SLC6A5: variants seen among roughly 807,000 people sequenced by gnomAD.
SLC6A5 encodes the protein solute carrier family 6 member 5.
A neutral mutation model predicts 90.5 loss-of-function variants in SLC6A5; 58 were observed. The observed-to-expected ratio is 0.64, with a 90% CI of 0.52 to 0.80. The LOEUF is 0.80. Among genes scored for constraint, SLC6A5 ranks in the 30% least tolerant of loss-of-function variants. The pLI, the probability that SLC6A5 is intolerant of heterozygous loss-of-function variation, is 0.00. For missense variants in SLC6A5, 1,015 were observed against 1,017.6 expected (o/e 1.00, Z 0.03); for synonymous variants, 427 against 401.4 (o/e 1.06, Z -0.76).
rs1853620221 is a variant in SLC6A5, at chr11:20,655,141, A to G, written c.*273A>G. ...GACCACACGTTTTACCCTGCAGAGG[A>G]GGATCAGTTAGGTGAGCACTGGTAG... is the stretch of plus-strand genomic sequence containing the variant. On this transcript the variant is annotated 3_prime_UTR_variant, in exon 16 of 16. Coordinates refer to ENST00000525748, the MANE Select transcript of SLC6A5 (RefSeq NM_004211.5). 6.6e-6 allele frequency: 3 copies of G among 452,384 alleles called. No homozygotes were observed. The highest frequency in any genetic ancestry group is 2.0e-5 in the African/African-American group (1 of 50,138). The allele number at this position is 452,384 out of a possible 1,614,324, so 28.0% of individuals were successfully genotyped here.
rs1027506984 is a variant in SLC6A5, at chr11:20,617,336, T to A, written c.1128-416T>A. The stretch of plus-strand genomic sequence containing the variant: ...TATGTACTAATTTTTAAAATTAAAA[T>A]CACACAAATACTACCAGAATAAATT... On this transcript the variant is annotated intron_variant, in intron 6 of 15. Transcript: ENST00000525748. 1.3e-4 allele frequency among the ~76,000 whole-genome samples: 20 copies of A among 152,342 alleles called. No homozygotes were observed. In the East Asian group the frequency reaches 3.9e-3, roughly 29 times the overall value.
Position 20,604,291 on chromosome 11 carries a change from C to T in SLC6A5, c.546C>T (p.Asp182=), listed in dbSNP as rs138199033. The T allele has an allele frequency of 9.9e-6, 16 of 1,608,966 alleles. No homozygotes were observed. Among genetic ancestry groups the T allele is most frequent in the Admixed American group, 3.3e-5 (2 of 59,770 alleles). ...ATGTGCTTTTCCGCCCCCAGGAGGA[C>T]GAGCAAGGGGATGAGAATAAGGCCC... ...GSVATVATQE[D]EQGDENKARG... Residue 182 remains aspartate, a synonymous_variant, in exon 3 of 16, where the codon GAC becomes GAT. Transcript: ENST00000525748.
intron 3 of SLC6A5, among the ~76,000 whole-genome samples, chr11:20,605,837 A>G (rs1852568620): frequency 6.6e-6 from 1 of 152,220 alleles, no homozygotes; most frequent in Non-Finnish European, 1.5e-5. Context: ...TTTCAGGAGC[A>G]GAGGAGGACT....
At chr11:20,611,986 G>C (rs1852702690) in intron 5 of SLC6A5, among the ~76,000 whole-genome samples, 1 of 152,158 alleles carries the variant, frequency 6.6e-6, no homozygotes, top group African/African-American at 2.4e-5. Flanking sequence ...TCTTGGTGAA[G>C]TATTGACTCA....
At position 20,654,841 on chromosome 11, in the gene SLC6A5, G is replaced by T; in HGVS notation, c.2367G>T (p.Lys789Asn). The T allele has an allele frequency of 6.2e-7, 1 of 1,614,186 alleles. No homozygotes were observed. The highest frequency in any genetic ancestry group is 8.5e-7 in the Non-Finnish European group (1 of 1,180,008). The stretch of plus-strand genomic sequence containing the variant: ...CCTTGGGACTCAAACTGCCAGTGAA[G>T]GATTTGGAACTGGGCACTCAGTGCT... ...TSSLGLKLPV[K>N]DLELGTQC The change falls in exon 16 of 16, where the codon AAG becomes AAT. Residue 789 changes from lysine to asparagine, a missense_variant. Physicochemically the swap from Lys to Asn is moderately conservative, Grantham distance 94. Transcript: ENST00000525748.
intron 10 of SLC6A5, among the ~76,000 whole-genome samples, chr11:20,635,366 A>AACCCTCTTAACCCTT (rs1253552118): frequency 6.6e-6 from 1 of 151,498 alleles, no homozygotes. Context: ...TTAGAGACTG[A>AACCCTCTTAACCCTT]ACCCTCTTAA....
intron 13 of SLC6A5, among the ~76,000 whole-genome samples, chr11:20,642,025 A>C (rs1853323414): frequency 6.6e-6 from 1 of 152,146 alleles, no homozygotes; most frequent in South Asian, 2.1e-4. Context: ...CCTTCACAGT[A>C]ACTACAAAAG....
chr11:20,619,622 T>G (rs1464450459), intron 7 of SLC6A5, among the ~76,000 whole-genome samples: 2 of 87,906 alleles, frequency 2.3e-5, no homozygotes, highest in African/African-American at 8.9e-5. Flanking sequence ...GCTCTTAGCT[T>G]TAATTGCTTT....
At chr11:20,643,866 A>G (rs986072789) in intron 13 of SLC6A5, among the ~76,000 whole-genome samples, 1 of 152,116 alleles carries the variant, frequency 6.6e-6, no homozygotes, top group Non-Finnish European at 1.5e-5. Context: ...CTCGCTGTAC[A>G]TGAGGGGTGG....
At chr11:20,606,511 G>A (rs1488642200) in intron 3 of SLC6A5, among the ~76,000 whole-genome samples, 1 of 152,132 alleles carries the variant, frequency 6.6e-6, no homozygotes, top group African/African-American at 2.4e-5. Context: ...CTGTCTGGCA[G>A]AGCCTGCCCA....
At chr11:20,640,661 T>G (rs768242807) in intron 13 of SLC6A5, among the ~76,000 whole-genome samples, 8 of 149,280 alleles carry the variant, frequency 5.4e-5, no homozygotes, top group Non-Finnish European at 8.9e-5. Context: ...GAAGTGAATC[T>G]CAGGAAGAAA....
At chr11:20,642,908 C>T (rs1853341052) in intron 13 of SLC6A5, among the ~76,000 whole-genome samples, 1 of 152,140 alleles carries the variant, frequency 6.6e-6, no homozygotes, top group Admixed American at 6.5e-5. Context: ...AAACCCAAGC[C>T]TTTTCACTCT....
chr11:20,619,201 C>G (rs1852843451), intron 7 of SLC6A5, among the ~76,000 whole-genome samples: 1 of 152,314 alleles, frequency 6.6e-6, no homozygotes, highest in South Asian at 2.1e-4. Context: ...AATCAACCAA[C>G]TTCTGAAAGG....
chr11:20,640,707 AAAAAG>A (rs1313702952), intron 13 of SLC6A5, among the ~76,000 whole-genome samples: 1 of 152,116 alleles, frequency 6.6e-6, no homozygotes, highest in Non-Finnish European at 1.5e-5. Flanking sequence ...TAAAAAAAAA[AAAAAG>A]AAGAAAAAAG....
At position 20,604,434 on chromosome 11, in the gene SLC6A5, T is replaced by G. The variant is rs1565271437; in HGVS notation, c.679+10T>G. On this transcript the variant is annotated intron_variant, in intron 3 of 15. Coordinates refer to ENST00000525748, the MANE Select transcript of SLC6A5 (RefSeq NM_004211.5). Reference sequence around the variant, plus strand: ...TTCCAGAACGGGGGAGGTATGGCTTTTCCGCTCTTTCCGCCTGCGGCGGGG... The same window carrying G: ...TTCCAGAACGGGGGAGGTATGGCTTGTCCGCTCTTTCCGCCTGCGGCGGGG... 6.2e-7 allele frequency: 1 copy of G among 1,612,732 alleles called. No homozygotes were observed. Among genetic ancestry groups the G allele is most frequent in the Non-Finnish European group, 8.5e-7 (1 of 1,179,552 alleles).
chr11:20,617,715 T>C, intron 6 of SLC6A5, 37 bp from the exon 7 acceptor site: 1 of 1,600,324 alleles, frequency 6.2e-7, no homozygotes, highest in Non-Finnish European at 8.6e-7. Flanking sequence ...CTCTCCTTCT[T>C]TCTATCACTC....
chr11:20,601,087 G>A (rs1051740072), intron 1 of SLC6A5, 42 bp from the exon 2 acceptor site: 1 of 1,559,316 alleles, frequency 6.4e-7, no homozygotes, highest in Admixed American at 1.9e-5. Flanking sequence ...TTTAAAAGCT[G>A]TTGTGACTTT....
At chr11:20,610,559 G>T (rs1373025607) in intron 5 of SLC6A5, among the ~76,000 whole-genome samples, 2 of 152,204 alleles carry the variant, frequency 1.3e-5, no homozygotes, top group African/African-American at 4.8e-5. Context: ...TGGCAGGAGG[G>T]CTAGAAATAA....
chr11:20,624,506 G>A (rs1173429399), intron 7 of SLC6A5, among the ~76,000 whole-genome samples: 2 of 152,032 alleles, frequency 1.3e-5, no homozygotes, highest in South Asian at 2.1e-4. Context: ...ATCTCCCCCT[G>A]TGAGTCCTTG....
Sources: allele counts gnomAD v4.1 joint callset (sites outside exome capture counted in the v4.1 genomes callset), GRCh38; gene constraint gnomAD v4.1.1; transcripts MANE v1.5; gene names NCBI Gene and HGNC (gene_info 2026-07-23, HGNC 2026-07-21).